The following HMCN1 variants were observed in gnomAD, a reference collection of about 807,000 sequenced individuals.
HMCN1 encodes hemicentin-1.
Under a neutral mutation model 625.9 loss-of-function variants are expected in HMCN1, and 321 were observed. That is an observed-to-expected ratio of 0.51 (90% CI 0.47 to 0.56). The LOEUF (loss-of-function observed/expected upper bound fraction) is 0.56. Among genes scored for constraint, HMCN1 ranks in the 20% least tolerant of loss-of-function variants. HMCN1 has a pLI of 0.00. For missense variants in HMCN1, 6,588 were observed against 6,887.3 expected (o/e 0.96, Z 1.54); for synonymous variants, 2,425 against 2,417.6 (o/e 1.00, Z -0.09).
chr1:186,166,201 G>T lies in HMCN1; in HGVS notation c.15337G>T (p.Ala5113Ser). 6.2e-7 allele frequency: 1 copy of T among 1,614,060 alleles called. No homozygotes were observed. The change falls in exon 99 of 107, where the codon GCA becomes TCA. Residue 5113 changes from alanine to serine, a missense_variant. This residue lies in a region of HMCN1 where 1,954 missense variants were observed against 2,013.1 expected (regional missense o/e 0.97). Coordinates refer to ENST00000271588, the MANE Select transcript of HMCN1 (RefSeq NM_031935.3). Reference sequence around the variant, plus strand: ...TCTTTAAGATGAGGATGAATGTGCAGCAGGGAATCCCTGCTCCCATAGCTG... The same window carrying T: ...TCTTTAAGATGAGGATGAATGTGCATCAGGGAATCCCTGCTCCCATAGCTG... Reference protein sequence around the residue: ...PFCADEDECAAGNPCSHSCHN... With the variant: ...PFCADEDECASGNPCSHSCHN...
At chr1:185,925,005 C>T in intron 8 of HMCN1, 42 bp from the exon 9 acceptor site, 1 of 1,540,722 alleles carries the variant, frequency 6.5e-7, no homozygotes, top group Non-Finnish European at 8.8e-7. Context: ...TTGTGACCTT[C>T]TTGCTTAAGT....
intron 4 of HMCN1, among the ~76,000 whole-genome samples, chr1:185,875,927 T>A (rs561452061): frequency 1.4e-4 from 21 of 152,198 alleles, no homozygotes; most frequent in African/African-American, 5.1e-4. Flanking sequence ...CTTTATTTTT[T>A]AATTACTTTT....
Position 186,165,134 on chromosome 1 carries a change from T to C in HMCN1, c.15280T>C (p.Ser5094Pro), listed in dbSNP as rs1651797891. 2 of 1,613,988 alleles carry C rather than the reference T, an allele frequency of 1.2e-6. No homozygotes were observed. The highest frequency in any genetic ancestry group is 2.2e-5 in the South Asian group (2 of 91,072). The change falls in exon 98 of 107, where the codon TCC becomes CCC. Residue 5094 changes from serine (S) to proline (P), a missense_variant. This residue lies in a region of HMCN1 where 1,954 missense variants were observed against 2,013.1 expected (regional missense o/e 0.97). Coordinates refer to ENST00000271588, the MANE Select transcript of HMCN1 (RefSeq NM_031935.3). ...SKGDRSNQCP[S>P]GFTLDSVGPF... ...AGGAGATCGCAGTAATCAGTGCCCC[T>C]CCGGGTTTACCTTAGACTCAGTTGG... is the stretch of plus-strand genomic sequence containing the variant.
In HMCN1 at chr1:185,898,770, T is replaced by G. The variant is rs151095148; in HGVS notation, c.622-10567T>G. 3.2e-3 allele frequency among the ~76,000 whole-genome samples: 486 copies of G among 152,272 alleles called. 4 individuals carry two copies. The highest frequency in any genetic ancestry group is 0.011 in the African/African-American group (464 of 41,560). The stretch of plus-strand genomic sequence containing the variant: ...TTTGTAGAACCTAATGCCAGTTACT[T>G]TAAATGGGCCTTGTTCATTTACTCA... On this transcript the variant is annotated intron_variant, in intron 4 of 106. Coordinates refer to ENST00000271588, the MANE Select transcript of HMCN1 (RefSeq NM_031935.3).
intron 1 of HMCN1, among the ~76,000 whole-genome samples, chr1:185,805,677 T>C (rs1659123375): frequency 6.6e-6 from 1 of 152,202 alleles, no homozygotes; most frequent in Non-Finnish European, 1.5e-5. Context: ...GATTTTGCTG[T>C]AGTGTATGTG....
rs577241196 is a variant in HMCN1, at chr1:185,995,008, C to T, written c.3699C>T (p.Pro1233=). The change falls in exon 24 of 107, where the codon CCC becomes CCT. Residue 1233 remains proline, a synonymous_variant. Coordinates refer to ENST00000271588, the MANE Select transcript of HMCN1 (RefSeq NM_031935.3). ...DGTLSIDQAT[P]SDAGIYTCVA... is the part of the protein sequence containing the mutation. ...CTTTAAGCATCGACCAAGCCACGCC[C>T]TCAGATGCTGGCATATATACATGTG... is the stretch of plus-strand genomic sequence containing the variant. 8 of 1,613,780 alleles carry T rather than the reference C, an allele frequency of 5.0e-6. No homozygotes were observed. The Admixed American group carries it at 1.0e-4, about 20-fold the overall frequency.
At chr1:186,002,083 G>A (rs1258421095) in intron 28 of HMCN1, among the ~76,000 whole-genome samples, 3 of 151,934 alleles carry the variant, frequency 2.0e-5, no homozygotes, top group African/African-American at 7.2e-5. Context: ...GCTATAACAG[G>A]GTGATACAGA....
intron 2 of HMCN1, among the ~76,000 whole-genome samples, chr1:185,853,620 A>G (rs545042641): frequency 8.5e-5 from 13 of 152,296 alleles, no homozygotes; most frequent in South Asian, 8.3e-4. Flanking sequence ...GACTGCGACA[A>G]GACAGTGGAG....
chr1:185,841,584 TCAAA>T (rs1463292100), intron 1 of HMCN1, among the ~76,000 whole-genome samples: 5 of 152,190 alleles, frequency 3.3e-5, no homozygotes, highest in Non-Finnish European at 5.9e-5. Flanking sequence ...CCTCCTATAT[TCAAA>T]CACTTACTGG....
At chr1:186,151,796 T>C (rs1436788041) in intron 95 of HMCN1, 53 bp downstream of exon 95, 10 of 1,561,178 alleles carry the variant, frequency 6.4e-6, no homozygotes, top group South Asian at 4.5e-5. Context: ...GCCATGAAGA[T>C]AGGTGATTAA....
intron 1 of HMCN1, among the ~76,000 whole-genome samples, chr1:185,778,497 G>A (rs1447507961): frequency 1.6e-5 from 1 of 63,192 alleles, no homozygotes; most frequent in African/African-American, 6.6e-5. Flanking sequence ...CCCTCCCCCC[G>A]CCCCCACCCC....
intron 4 of HMCN1, among the ~76,000 whole-genome samples, chr1:185,881,398 A>G (rs1454516659): frequency 1.3e-5 from 2 of 152,156 alleles, no homozygotes; most frequent in African/African-American, 4.8e-5. Context: ...TACACTGTCA[A>G]GCTGTCCCTC....
intron 97 of HMCN1, among the ~76,000 whole-genome samples, chr1:186,160,974 C>T (rs570045896): frequency 4.6e-5 from 7 of 152,050 alleles, no homozygotes; most frequent in Non-Finnish European, 8.8e-5. Context: ...CCTGGGTATC[C>T]TTGTTGACTT....
chr1:185,867,961 C>T (rs1401238268), intron 4 of HMCN1, among the ~76,000 whole-genome samples: 3 of 151,864 alleles, frequency 2.0e-5, no homozygotes, highest in African/African-American at 4.8e-5. Flanking sequence ...CCCAGCTACT[C>T]GGGAGGCTGA....
chr1:186,179,211 C>T (rs1652787130), intron 104 of HMCN1, among the ~76,000 whole-genome samples: 2 of 152,128 alleles, frequency 1.3e-5, no homozygotes, highest in Admixed American at 6.5e-5. Context: ...GTATAACAAC[C>T]AACATCCCAT....
intron 30 of HMCN1, among the ~76,000 whole-genome samples, chr1:186,009,995 T>C (rs1407998055): frequency 1.3e-5 from 2 of 152,048 alleles, no homozygotes; most frequent in Non-Finnish European, 1.5e-5. Context: ...CGCGCTCCTA[T>C]GAGAATCTGA....
intron 82 of HMCN1, 57 bp downstream of exon 82, chr1:186,125,851 A>T: frequency 1.5e-6 from 2 of 1,326,170 alleles, no homozygotes; most frequent in East Asian, 4.6e-5. Flanking sequence ...TTGCCATCAT[A>T]CTTTTAGTAA....
At chr1:186,146,732 G>A (rs1650340000) in intron 93 of HMCN1, among the ~76,000 whole-genome samples, 2 of 152,176 alleles carry the variant, frequency 1.3e-5, no homozygotes, top group Admixed American at 1.3e-4. Flanking sequence ...TAATTAACAA[G>A]GACTTTGAGG....
chr1:185,737,980 G>A (rs1232998034), intron 1 of HMCN1, among the ~76,000 whole-genome samples: 2 of 152,112 alleles, frequency 1.3e-5, no homozygotes, highest in African/African-American at 2.4e-5. Flanking sequence ...TGTAAGAAGC[G>A]CTGTGTTGAA....
Sources: gnomAD v4.1 joint callset for allele counts (sites outside exome capture counted in the v4.1 genomes callset) on GRCh38, gnomAD v4.1.1 for gene constraint, gnomAD v4.1.1 regional missense constraint, MANE v1.5 for transcripts, NCBI Gene and HGNC (gene_info 2026-07-23, HGNC 2026-07-21) for gene names.